CISTR: variants seen among roughly 807,000 people sequenced by gnomAD.
CISTR encodes chondrogenesis-associated transcript.
At chr12:53,748,763 G>A (rs1478685338) in intron 2 of CISTR, among the ~76,000 whole-genome samples, 1 of 152,190 alleles carries the variant, frequency 6.6e-6, no homozygotes, top group Non-Finnish European at 1.5e-5. Context: ...ATACCAGAAT[G>A]TATCAGTAGA....
chr12:53,751,182 C>T lies in CISTR; in HGVS notation n.415-217G>A, dbSNP rs1937845869. Reference sequence around the variant, plus strand: ...CACAGGCCTCCGCACGCACAGGACACACACACACACTCTCTCCTGGCCTCC... The same window carrying T: ...CACAGGCCTCCGCACGCACAGGACATACACACACACTCTCTCCTGGCCTCC... On this transcript the variant is annotated intron_variant and non_coding_transcript_variant, in intron 1 of 2. Coordinates refer to ENST00000669269, the Ensembl canonical transcript of CISTR. This position sits in a 1 kb window ranked among gnomAD's most constrained non-coding sequence, Gnocchi z 4.6. 6.6e-6 allele frequency among the ~76,000 whole-genome samples: 1 copy of T among 152,182 alleles called. No homozygotes were observed. Among genetic ancestry groups the T allele is most frequent in the Non-Finnish European group, 1.5e-5 (1 of 68,028 alleles).
rs142323592 is a variant in CISTR, at chr12:53,751,178, GACACACAC to G, written n.415-221_415-214del. ...GGCCCACAGGCCTCCGCACGCACAG[GACACACAC>G]ACACACTCTCTCCTGGCCTCCCTCC... On this transcript the variant is annotated intron_variant and non_coding_transcript_variant, in intron 1 of 2. Transcript: ENST00000669269. The surrounding 1 kb of genome is among the most constrained non-coding windows in gnomAD (Gnocchi z 4.6). 6.6e-6 allele frequency among the ~76,000 whole-genome samples: 1 copy of G among 151,580 alleles called. No individual in the cohort carries two copies. Among genetic ancestry groups the G allele is most frequent in the South Asian group, 2.1e-4 (1 of 4,784 alleles).
intron 1 of CISTR, among the ~76,000 whole-genome samples, chr12:53,752,538 G>C (rs1487715028): frequency 6.6e-6 from 1 of 152,194 alleles, no homozygotes; most frequent in Admixed American, 6.5e-5. Flanking sequence ...AATTAGCGCT[G>C]TGATAACGAA....
intron 2 of CISTR, among the ~76,000 whole-genome samples, chr12:53,749,549 C>CTTTTT (rs35197896): frequency 2.0e-5 from 3 of 150,056 alleles, no homozygotes; most frequent in African/African-American, 7.4e-5. Flanking sequence ...TTCTTTCTTT[C>CTTTTT]TTTTTTTTTA....
chr12:53,748,262 G>A (rs1019649678), intron 2 of CISTR, among the ~76,000 whole-genome samples: 1 of 152,182 alleles, frequency 6.6e-6, no homozygotes, highest in South Asian at 2.1e-4. Flanking sequence ...ACAAAGGGCC[G>A]CCCGCCCTCT....
At chr12:53,752,770 T>A (rs1271097843) in intron 1 of CISTR, among the ~76,000 whole-genome samples, 1 of 152,184 alleles carries the variant, frequency 6.6e-6, no homozygotes, top group Admixed American at 6.5e-5. Flanking sequence ...CTGCTGAGTG[T>A]GTACAAGAAG....
chr12:53,746,552 G>T (rs1311118999), exon 3 of CISTR, among the ~76,000 whole-genome samples: 1 of 152,302 alleles, frequency 6.6e-6, no homozygotes, highest in South Asian at 2.1e-4. Context: ...CCAGTGCTAG[G>T]AGAACGAGAA....
chr12:53,749,294 G>A (rs1033875065), intron 2 of CISTR, among the ~76,000 whole-genome samples: 2 of 27,904 alleles, frequency 7.2e-5, no homozygotes, highest in African/African-American at 3.5e-4. Flanking sequence ...GGCAAGAAGT[G>A]TGTGTGTGTG....
chr12:53,751,470 G>A lies in CISTR; in HGVS notation n.415-505C>T, dbSNP rs1937849608. Among the ~76,000 whole-genome samples, 1 of 152,182 alleles carries A rather than the reference G, an allele frequency of 6.6e-6. No individual in the cohort carries two copies. The highest frequency in any genetic ancestry group is 2.1e-4 in the South Asian group (1 of 4,812). ...GGCGGCCGCGAATTCATTAGTGGGG[G>A]GCGGATGTAAACGCAGCGCGGTGGA... On this transcript the variant is annotated intron_variant and non_coding_transcript_variant, in intron 1 of 2. Coordinates refer to ENST00000669269, the Ensembl canonical transcript of CISTR. This position sits in a 1 kb window ranked among gnomAD's most constrained non-coding sequence, Gnocchi z 4.6.
intron 1 of CISTR, among the ~76,000 whole-genome samples, chr12:53,755,315 G>T (rs1284148271): frequency 7.0e-6 from 1 of 143,018 alleles, no homozygotes; most frequent in East Asian, 1.9e-4. Context: ...TGGGGTGTGT[G>T]TGTGTGTGTG....
intron 1 of CISTR, among the ~76,000 whole-genome samples, chr12:53,752,643 G>A (rs1937867445): frequency 1.3e-5 from 2 of 152,272 alleles, no homozygotes; most frequent in South Asian, 4.2e-4. Flanking sequence ...CTTTCTTAAA[G>A]GGTTTTGAGG....
Position 53,756,170 on chromosome 12 carries a change from G to A in CISTR, n.414+644C>T, listed in dbSNP as rs774152273. ...GTGGGTGGCAAGGGCCAGAAGGACC[G>A]GCCAGGTGGGGGATGGGCTGGGGGA... On this transcript the variant is annotated intron_variant and non_coding_transcript_variant, in intron 1 of 2. Coordinates refer to ENST00000669269, the Ensembl canonical transcript of CISTR. The surrounding 1 kb of genome is among the most constrained non-coding windows in gnomAD (Gnocchi z 4.0). Among the ~76,000 whole-genome samples the A allele has an allele frequency of 1.4e-4, 21 of 152,120 alleles. No individual in the cohort carries two copies. The highest frequency in any genetic ancestry group is 2.6e-4 in the Non-Finnish European group (18 of 68,014).
intron 2 of CISTR, among the ~76,000 whole-genome samples, chr12:53,749,104 G>C (rs548706939): frequency 9.2e-5 from 14 of 152,116 alleles, no homozygotes; most frequent in East Asian, 1.9e-4. Flanking sequence ...GAGCAGTTAT[G>C]GTGGGGTGTA....
Position 53,755,724 on chromosome 12 carries a change from G to A in CISTR, n.414+1090C>T, listed in dbSNP as rs181483155. The A allele has an allele frequency of 4.6e-3, 702 of 152,422 alleles. 2 individuals carry two copies. Among genetic ancestry groups the A allele is most frequent in the Non-Finnish European group, 6.9e-3 (468 of 68,048 alleles). The allele number at this position is 152,422 out of a possible 1,614,324, so 9.4% of individuals were successfully genotyped here. A position where few individuals can be genotyped will look rare whatever the true frequency, so the allele number is the denominator to read the frequency against. On this transcript the variant is annotated intron_variant and non_coding_transcript_variant, in intron 1 of 2. Coordinates refer to ENST00000669269, the Ensembl canonical transcript of CISTR. ...CGTCTCTGGAGGGTCCCCTCTCTAC[G>A]CTCTTTGCCCATCCCAGCCTTTGGC...
intron 2 of CISTR, among the ~76,000 whole-genome samples, chr12:53,748,588 C>T (rs1324290948): frequency 6.6e-6 from 1 of 152,132 alleles, no homozygotes; most frequent in African/African-American, 2.4e-5. Context: ...AGATCGAAGA[C>T]TCACACAAGG....
chr12:53,754,147 C>A (rs904129911), intron 1 of CISTR, among the ~76,000 whole-genome samples: 1 of 152,100 alleles, frequency 6.6e-6, no homozygotes, highest in African/African-American at 2.4e-5. Flanking sequence ...AGGCTTGAGA[C>A]CTCTTTCCTG....
intron 2 of CISTR, among the ~76,000 whole-genome samples, chr12:53,748,550 C>G (rs1355904306): frequency 6.6e-6 from 1 of 152,142 alleles, no homozygotes; most frequent in African/African-American, 2.4e-5. Context: ...AGAGCCAAGA[C>G]AGAGGAGCAT....
chr12:53,753,087 CACAGAGAG>C (rs1448149217), intron 1 of CISTR, among the ~76,000 whole-genome samples: 28 of 106,636 alleles, frequency 2.6e-4, no homozygotes, highest in Admixed American at 3.5e-4. Flanking sequence ...CACACACACA[CACAGAGAG>C]AGACACACGT....
At chr12:53,753,089 C>CACAG (rs1356747373) in intron 1 of CISTR, among the ~76,000 whole-genome samples, 1 of 80,440 alleles carries the variant, frequency 1.2e-5, no homozygotes, top group Admixed American at 1.3e-4. Flanking sequence ...CACACACACA[C>CACAG]AGAGAGAGAC....
Sources: allele counts gnomAD v4.1 joint callset (sites outside exome capture counted in the v4.1 genomes callset), GRCh38; gene constraint gnomAD v4.1.1; non-coding constraint Gnocchi (gnomAD v3.1); transcripts MANE v1.5; gene names NCBI Gene and HGNC (gene_info 2026-07-23, HGNC 2026-07-21).